Variants in PSTPIP2 observed in about 807,000 individuals in gnomAD.
PSTPIP2 encodes the protein proline-serine-threonine phosphatase interacting protein 2, also known as proline-serine-threonine phosphatase-interacting protein 2.
PSTPIP2 carries 33 observed loss-of-function variants against 63.3 expected under a neutral mutation model. That is an observed-to-expected ratio of 0.52 (90% confidence interval 0.40 to 0.70). The LOEUF is 0.70. Among genes scored for constraint, PSTPIP2 ranks in the 30% least tolerant of loss-of-function variants. The pLI, the probability that PSTPIP2 is intolerant of heterozygous loss-of-function variation, is 0.00. For synonymous variants in PSTPIP2, 125 were observed against 132.7 expected, an observed-to-expected ratio of 0.94 and a Z score of 0.40; for missense variants, 312 against 400.7, an observed-to-expected ratio of 0.78 and a Z score of 1.89.
chr18:46,030,735 G>A (rs1907760996), intron 2 of PSTPIP2, among the ~76,000 whole-genome samples: 3 of 152,184 alleles, frequency 2.0e-5, no homozygotes, highest in Non-Finnish European at 2.9e-5. Context: ...TATTCCCTGA[G>A]TTCTTTCATA....
At chr18:46,011,062 A>T in intron 5 of PSTPIP2, 119 bp downstream of exon 5, 1 of 829,730 alleles carries the variant, frequency 1.2e-6, no homozygotes, top group Non-Finnish European at 2.0e-6. Context: ...TCCAGTAAGT[A>T]ATTTCTCAGG....
At chr18:46,049,647 C>T (rs1205541215) in intron 1 of PSTPIP2, among the ~76,000 whole-genome samples, 3 of 152,044 alleles carry the variant, frequency 2.0e-5, no homozygotes, top group East Asian at 1.9e-4. Context: ...TTTGGGAGGC[C>T]GAAGCAGGCG....
intron 12 of PSTPIP2, among the ~76,000 whole-genome samples, chr18:45,991,230 A>G (rs566513482): frequency 6.6e-5 from 10 of 152,346 alleles, no homozygotes; most frequent in Middle Eastern, 3.4e-3. Flanking sequence ...AACTGGAGTG[A>G]AAATTCAAAA....
At chr18:46,000,725 T>C (rs2051655359) in intron 6 of PSTPIP2, among the ~76,000 whole-genome samples, 1 of 152,256 alleles carries the variant, frequency 6.6e-6, no homozygotes, top group South Asian at 2.1e-4. Flanking sequence ...TAGGCCATGG[T>C]CTATCGTGTG....
chr18:46,061,115 C>A (rs1319177731), intron 1 of PSTPIP2, among the ~76,000 whole-genome samples: 1 of 152,004 alleles, frequency 6.6e-6, no homozygotes, highest in Non-Finnish European at 1.5e-5. Context: ...AGCAACCTGG[C>A]CAACATGGTG....
At chr18:46,036,608 C>T (rs1313282090) in intron 2 of PSTPIP2, among the ~76,000 whole-genome samples, 1 of 152,208 alleles carries the variant, frequency 6.6e-6, no homozygotes, top group Non-Finnish European at 1.5e-5. Flanking sequence ...GAGCAGCACA[C>T]GGAGCGGCTC....
At chr18:45,999,566 A>C (rs753880662) in intron 6 of PSTPIP2, 32 bp from the exon 7 acceptor site, 1 of 1,610,404 alleles carries the variant, frequency 6.2e-7, no homozygotes, top group African/African-American at 1.3e-5. Context: ...GAACCAAAAC[A>C]AATGAACAGA....
chr18:45,985,484 T>G, intron 14 of PSTPIP2, 34 bp from the exon 15 acceptor site: 1 of 1,608,592 alleles, frequency 6.2e-7, no homozygotes. Context: ...TTCCTCTGAA[T>G]GAAAGGTGCT....
chr18:46,047,124 C>T (rs1908409135), intron 1 of PSTPIP2, among the ~76,000 whole-genome samples: 1 of 152,144 alleles, frequency 6.6e-6, no homozygotes, highest in African/African-American at 2.4e-5. Flanking sequence ...TTATTAAGAG[C>T]CATAAAACAG....
chr18:46,056,793 AT>A (rs1049345099), intron 1 of PSTPIP2, among the ~76,000 whole-genome samples: 17 of 152,144 alleles, frequency 1.1e-4, no homozygotes, highest in African/African-American at 4.1e-4. Context: ...TTTTTTTAAA[AT>A]ATTACATTAA....
chr18:45,996,751 G>T (rs1316019384), intron 9 of PSTPIP2, among the ~76,000 whole-genome samples: 2 of 151,986 alleles, frequency 1.3e-5, no homozygotes, highest in Non-Finnish European at 2.9e-5. Context: ...GGGCAACAGA[G>T]CAAGTCCCTG....
intron 2 of PSTPIP2, among the ~76,000 whole-genome samples, chr18:46,026,457 T>C (rs1907583829): frequency 6.6e-6 from 1 of 152,262 alleles, no homozygotes; most frequent in Non-Finnish European, 1.5e-5. Flanking sequence ...ACTATGTATA[T>C]ACAACTTATT....
intron 3 of PSTPIP2, among the ~76,000 whole-genome samples, chr18:46,024,228 T>C (rs1036585888): frequency 2.0e-5 from 3 of 151,908 alleles, no homozygotes; most frequent in Non-Finnish European, 4.4e-5. Context: ...ACCTCTGCCT[T>C]CTGGGCTCAA....
At chr18:45,986,315 A>T (rs1301085541) in intron 14 of PSTPIP2, among the ~76,000 whole-genome samples, 1 of 152,208 alleles carries the variant, frequency 6.6e-6, no homozygotes, top group African/African-American at 2.4e-5. Flanking sequence ...CTCCAGTGAA[A>T]TGATATAACT....
chr18:45,996,317 T>C (rs545568036), intron 9 of PSTPIP2, among the ~76,000 whole-genome samples: 1 of 152,302 alleles, frequency 6.6e-6, no homozygotes, highest in South Asian at 2.1e-4. Context: ...ATTCTTATAC[T>C]TGAATTCCCA....
intron 6 of PSTPIP2, 144 bp downstream of exon 6, chr18:46,005,325 T>C (rs2051713572): frequency 3.0e-6 from 2 of 672,352 alleles, no homozygotes; most frequent in African/African-American, 3.7e-5. Context: ...ACCCAAAGCA[T>C]TTAAGGTTGT....
chr18:46,021,440 TAA>T (rs869140600), intron 3 of PSTPIP2, among the ~76,000 whole-genome samples: 3 of 150,634 alleles, frequency 2.0e-5, no homozygotes, highest in African/African-American at 2.4e-5. Flanking sequence ...TATATATATA[TAA>T]AAAACCAAAT....
At chr18:46,029,989 CTGTAATCCCAGCTACT>C (rs1406427556) in intron 2 of PSTPIP2, among the ~76,000 whole-genome samples, 1 of 152,142 alleles carries the variant, frequency 6.6e-6, no homozygotes, top group Non-Finnish European at 1.5e-5. Context: ...TGGCAGGTGC[CTGTAATCCCAGCTACT>C]TGGGAGGCTG....
intron 1 of PSTPIP2, among the ~76,000 whole-genome samples, chr18:46,057,532 G>A (rs1044495570): frequency 7.3e-5 from 11 of 151,684 alleles, no homozygotes; most frequent in Non-Finnish European, 1.3e-4. Context: ...ATTTCACCAC[G>A]TTGGCCAGGC....
Sources: gnomAD v4.1 joint callset for allele counts (sites outside exome capture counted in the v4.1 genomes callset) on GRCh38, gnomAD v4.1.1 for gene constraint, MANE v1.5 for transcripts, NCBI Gene and HGNC (gene_info 2026-07-23, HGNC 2026-07-21) for gene names.